The following CDK15 variants were observed in gnomAD, a reference collection of about 807,000 sequenced individuals.
The protein encoded by CDK15 is cyclin-dependent kinase 15.
CDK15 carries 62 observed loss-of-function variants against 60.3 expected under a neutral mutation model. The ratio of observed to expected loss-of-function variants is 1.03; its 90% CI spans 0.84 to 1.27. The LOEUF (loss-of-function observed/expected upper bound fraction) is 1.27. Ranked by LOEUF, CDK15 falls within the 50% of genes most tolerant of loss-of-function variation. The pLI is 0.00. For missense variants in CDK15, 541 were observed against 527.8 expected (o/e 1.03, Z -0.25); for synonymous variants, 194 against 195.7 (o/e 0.99, Z 0.07).
chr2:201,824,017 G>A (rs897617509), intron 6 of CDK15, among the ~76,000 whole-genome samples: 3 of 152,142 alleles, frequency 2.0e-5, no homozygotes, highest in African/African-American at 7.2e-5. Context: ...GAATAAACGA[G>A]TGAAGGAGAA....
rs746681137 is a variant in CDK15, at chr2:201,880,260, C to T, written c.1198+93C>T. ...TGTCTTAAGTAGTTTGCCTCAGCAC[C>T]GGAGAATCATAGCATTTACCCCCAG... On this transcript the variant is annotated intron_variant, in intron 12 of 13. Transcript: ENST00000652192. 911 of 1,435,514 alleles carry T rather than the reference C, an allele frequency of 6.3e-4. 2 individuals carry two copies. Among genetic ancestry groups the T allele is most frequent in the Non-Finnish European group, 8.2e-4 (870 of 1,058,158 alleles). 88.9% of individuals were successfully genotyped at this position (1,435,514 alleles called of 1,614,324 possible). A position where few individuals can be genotyped will look rare whatever the true frequency, so the allele number is the denominator to read the frequency against.
At chr2:201,836,053 A>ATATTATATATT (rs1380919026) in intron 8 of CDK15, among the ~76,000 whole-genome samples, 1 of 10,922 alleles carries the variant, frequency 9.2e-5, no homozygotes, top group African/African-American at 2.1e-4. Context: ...ATATTTATAT[A>ATATTATATATT]TATATTATAT....
At chr2:201,874,267 G>A (rs1698989506) in intron 11 of CDK15, among the ~76,000 whole-genome samples, 1 of 152,146 alleles carries the variant, frequency 6.6e-6, no homozygotes, top group African/African-American at 2.4e-5. Context: ...ATTGGACAGA[G>A]CAAAAATAGA....
At chr2:201,889,519 C>A (rs1236857730) in intron 12 of CDK15, 2 of 745,036 alleles carry the variant, frequency 2.7e-6, no homozygotes, top group South Asian at 6.1e-5. Context: ...TTTTATTTTC[C>A]GTACTTTTCA....
At position 201,839,965 on chromosome 2, in the gene CDK15, G is replaced by GT. The variant is rs1178167563; in HGVS notation, c.851+4212dup. ...CACCCAATTGTTGAGTGCTGCTGGG[G>GT]TTTTTTTTTTGTTTTTGTTTTTGTT... On this transcript the variant is annotated intron_variant, in intron 8 of 13. Coordinates refer to ENST00000652192, the MANE Select transcript of CDK15 (RefSeq NM_001366386.2). Among the ~76,000 whole-genome samples, 396 of 144,084 alleles carry GT rather than the reference G, an allele frequency of 2.7e-3. 4 individuals carry two copies. The highest frequency in any genetic ancestry group is 9.1e-3 in the African/African-American group (350 of 38,546). The allele number at this position is 144,084 out of a possible 152,430, so 94.5% of individuals were successfully genotyped here. A position where few individuals can be genotyped will look rare whatever the true frequency, so the allele number is the denominator to read the frequency against.
intron 10 of CDK15, among the ~76,000 whole-genome samples, chr2:201,865,864 T>C (rs965089936): frequency 2.6e-5 from 3 of 117,224 alleles, no homozygotes; most frequent in African/African-American, 1.0e-4. Context: ...CACTCCAGCC[T>C]GGGCGACAGA....
chr2:201,888,328 C>T (rs986413429), intron 12 of CDK15: 3 of 1,350,476 alleles, frequency 2.2e-6, no homozygotes, highest in African/African-American at 1.5e-5. Context: ...CTCATTATCT[C>T]GTTCCGAAAT....
At chr2:201,850,530 C>T (rs770428598) in intron 9 of CDK15, among the ~76,000 whole-genome samples, 48 of 152,276 alleles carry the variant, frequency 3.2e-4, no homozygotes, top group Admixed American at 8.5e-4. Context: ...AACACAGCTG[C>T]TGAACGTGAT....
chr2:201,890,056 G>GAAA (rs1163431033), intron 12 of CDK15, among the ~76,000 whole-genome samples: 2 of 96,114 alleles, frequency 2.1e-5, no homozygotes, highest in Non-Finnish European at 2.2e-5. Context: ...CTCAAAAAAA[G>GAAA]AAAAAAAAAA....
At chr2:201,821,067 C>T (rs1282330161) in intron 4 of CDK15, among the ~76,000 whole-genome samples, 1 of 152,168 alleles carries the variant, frequency 6.6e-6, no homozygotes, top group Non-Finnish European at 1.5e-5. Flanking sequence ...CACTGGTTTG[C>T]TGTGCATTCA....
chr2:201,873,004 G>A (rs1039507802), intron 11 of CDK15, among the ~76,000 whole-genome samples: 5 of 152,138 alleles, frequency 3.3e-5, no homozygotes, highest in African/African-American at 7.2e-5. Context: ...CAGGGGAAAC[G>A]AGCTCAAATG....
rs181549395 is a variant in CDK15, at chr2:201,860,643, G to T, written c.1009+5706G>T. The T allele has an allele frequency of 1.2e-4, 153 of 1,259,280 alleles. 1 individual carries two copies. The highest frequency in any genetic ancestry group is 1.2e-3 in the Admixed American group (57 of 47,448). The allele number at this position is 1,259,280 out of a possible 1,614,324, so 78.0% of individuals were successfully genotyped here. A position where few individuals can be genotyped will look rare whatever the true frequency, so the allele number is the denominator to read the frequency against. On this transcript the variant is annotated intron_variant, in intron 10 of 13. Transcript: ENST00000652192. ...AAAAGGCAGGAAAGCGGTACTAAAA[G>T]CCCTGCAGGGACCAGAATCAGATGT...
intron 3 of CDK15, among the ~76,000 whole-genome samples, chr2:201,811,079 G>A (rs1211231715): frequency 6.6e-6 from 1 of 151,470 alleles, no homozygotes; most frequent in Non-Finnish European, 1.5e-5. Flanking sequence ...CCGAGCTCAG[G>A]CAATCCACCC....
At chr2:201,807,468 A>G (rs1559110531) in intron 1 of CDK15, 26 bp from the exon 2 acceptor site, 5 of 1,600,996 alleles carry the variant, frequency 3.1e-6, no homozygotes, top group Non-Finnish European at 4.3e-6. Context: ...CATAAATTTT[A>G]TTTCTGCTCT....
intron 9 of CDK15, among the ~76,000 whole-genome samples, chr2:201,849,368 A>G (rs1697807685): frequency 6.6e-6 from 1 of 152,206 alleles, no homozygotes; most frequent in Admixed American, 6.5e-5. Context: ...ACTTAGCAGT[A>G]TTATTTCTTG....
intron 11 of CDK15, among the ~76,000 whole-genome samples, chr2:201,874,450 T>C (rs1031125914): frequency 1.3e-5 from 2 of 152,200 alleles, no homozygotes; most frequent in African/African-American, 4.8e-5. Flanking sequence ...ACAAATATCA[T>C]TCCCAGGTCA....
chr2:201,846,144 G>A (rs56080528), intron 8 of CDK15, among the ~76,000 whole-genome samples: 7,767 of 152,152 alleles, frequency 0.051, 348 homozygotes, highest in East Asian at 0.25. Flanking sequence ...CCAGGCTGCA[G>A]TTGTGACTGT....
At chr2:201,820,175 A>C (rs73055677) in intron 4 of CDK15, among the ~76,000 whole-genome samples, 3,253 of 152,280 alleles carry the variant, frequency 0.021, 68 homozygotes, top group African/African-American at 0.054. Context: ...TAATTTTGCT[A>C]TATGCTTTGT....
chr2:201,864,576 T>C lies in CDK15; in HGVS notation c.1010-7702T>C, dbSNP rs6705473. Reference sequence around the variant, plus strand: ...TCAAGTGATCCACCCACCTCGGCCTTCCAAAGTGCTGGGATTACAGGCATA... The same window carrying C: ...TCAAGTGATCCACCCACCTCGGCCTCCCAAAGTGCTGGGATTACAGGCATA... On this transcript the variant is annotated intron_variant, in intron 10 of 13. Transcript: ENST00000652192. Among the ~76,000 whole-genome samples the C allele has an allele frequency of 9.1e-3, 1,381 of 152,116 alleles. 27 individuals carry two copies. The highest frequency in any genetic ancestry group is 0.032 in the African/African-American group (1,329 of 41,494).
Sources: gnomAD v4.1 joint callset for allele counts (sites outside exome capture counted in the v4.1 genomes callset) on GRCh38, gnomAD v4.1.1 for gene constraint, MANE v1.5 for transcripts, NCBI Gene and HGNC (gene_info 2026-07-23, HGNC 2026-07-21) for gene names.